Variants in LRRTM4 observed in about 807,000 individuals in gnomAD.
LRRTM4 encodes leucine-rich repeat transmembrane neuronal protein 4.
LRRTM4 carries 25 observed loss-of-function variants against 47.6 expected under a neutral mutation model. The observed-to-expected ratio is 0.53, with a 90% CI of 0.38 to 0.73. LRRTM4 has a LOEUF of 0.73. Among genes scored for constraint, LRRTM4 ranks in the 30% least tolerant of loss-of-function variants. The pLI is 0.00. For synonymous variants in LRRTM4, 311 were observed against 269.5 expected (o/e 1.15, Z -1.51); for missense variants, 638 against 713.4 (o/e 0.89, Z 1.20).
At chr2:77,330,776 A>G (rs1670945715) in intron 3 of LRRTM4, among the ~76,000 whole-genome samples, 1 of 152,162 alleles carries the variant, frequency 6.6e-6, no homozygotes. Context: ...TAAACATTCT[A>G]TCAGTAAAAC....
Position 76,948,904 on chromosome 2 carries a change from G to C in LRRTM4, c.1552-199988C>G, listed in dbSNP as rs1675410307. ...TATGAGAAGGAATATACATTTGGTG[G>C]ATTTCATTTAAATATTTTACTGATT... On this transcript the variant is annotated intron_variant, in intron 3 of 3. Transcript: ENST00000409884. Among the ~76,000 whole-genome samples the C allele has an allele frequency of 7.2e-5, 11 of 151,802 alleles. No individual in the cohort carries two copies. In the South Asian group the frequency reaches 2.3e-3, roughly 31 times the overall value.
chr2:77,480,816 GTGT>G (rs1408264194), intron 3 of LRRTM4, among the ~76,000 whole-genome samples: 463 of 124,282 alleles, frequency 3.7e-3, no homozygotes, highest in East Asian at 0.024. Flanking sequence ...GTGTGTGTGT[GTGT>G]GTGGAGAGAG....
chr2:77,426,047 C>T (rs1230633576), intron 3 of LRRTM4, among the ~76,000 whole-genome samples: 2 of 151,436 alleles, frequency 1.3e-5, no homozygotes, highest in African/African-American at 2.4e-5. Flanking sequence ...ACCTGGAAGG[C>T]CAAGTTGCAG....
chr2:77,187,316 C>G (rs928904652), intron 3 of LRRTM4, among the ~76,000 whole-genome samples: 4 of 152,096 alleles, frequency 2.6e-5, no homozygotes, highest in African/African-American at 9.7e-5. Context: ...TTATTCTGTG[C>G]CCTCACTGTA....
At chr2:76,996,197 G>A (rs1380813347) in intron 3 of LRRTM4, among the ~76,000 whole-genome samples, 1 of 151,954 alleles carries the variant, frequency 6.6e-6, no homozygotes, top group Non-Finnish European at 1.5e-5. Context: ...TTTTAGAGGG[G>A]CCATAGAACA....
intron 3 of LRRTM4, among the ~76,000 whole-genome samples, chr2:76,973,295 T>C (rs1676285923): frequency 1.3e-5 from 2 of 152,036 alleles, no homozygotes; most frequent in Admixed American, 1.3e-4. Context: ...TATTTTATTA[T>C]ATTTATAAAA....
chr2:77,134,409 A>T (rs770666586), intron 3 of LRRTM4, among the ~76,000 whole-genome samples: 1 of 152,140 alleles, frequency 6.6e-6, no homozygotes, highest in East Asian at 1.9e-4. Context: ...ACTTTTTTCC[A>T]TTATGAAAAT....
At chr2:77,183,589 C>T (rs927693374) in intron 3 of LRRTM4, among the ~76,000 whole-genome samples, 1 of 152,020 alleles carries the variant, frequency 6.6e-6, no homozygotes, top group South Asian at 2.1e-4. Flanking sequence ...GGGTATATAC[C>T]CAAAGGATTA....
chr2:77,294,633 A>T (rs943578612), intron 3 of LRRTM4, among the ~76,000 whole-genome samples: 5 of 152,140 alleles, frequency 3.3e-5, no homozygotes, highest in African/African-American at 7.2e-5. Context: ...TTCTTGCCCT[A>T]CTTGTAATAA....
intron 3 of LRRTM4, among the ~76,000 whole-genome samples, chr2:77,316,875 TTAAG>T (rs1169333931): frequency 1.8e-4 from 28 of 152,330 alleles, no homozygotes; most frequent in African/African-American, 6.7e-4. Flanking sequence ...AATTTGCCAA[TTAAG>T]TATCAGAAAT....
chr2:76,836,157 G>A (rs1197210103), intron 3 of LRRTM4, among the ~76,000 whole-genome samples: 5 of 25,490 alleles, frequency 2.0e-4, no homozygotes, highest in African/African-American at 5.7e-4. Flanking sequence ...TATAGTATGC[G>A]GTAAAAAAAA....
chr2:77,073,177 GTT>G (rs146281985), intron 3 of LRRTM4, among the ~76,000 whole-genome samples: 1 of 147,366 alleles, frequency 6.8e-6, no homozygotes, highest in African/African-American at 2.5e-5. Flanking sequence ...GTTCTTCAGT[GTT>G]TTTTTTTTCC....
chr2:77,479,777 A>C, intron 3 of LRRTM4, among the ~76,000 whole-genome samples: 3 of 142,736 alleles, frequency 2.1e-5, no homozygotes, highest in African/African-American at 5.3e-5. Context: ...TCTTCTCTCC[A>C]TCTCTCTCTT....
intron 3 of LRRTM4, among the ~76,000 whole-genome samples, chr2:77,200,332 T>C (rs551083446): frequency 5.9e-5 from 9 of 152,232 alleles, no homozygotes; most frequent in African/African-American, 1.7e-4. Flanking sequence ...AAATCAAAAG[T>C]TTAATTTTTC....
rs1181255993 is a variant in LRRTM4 at position 77,519,644 on chromosome 2, C to T, written c.225G>A (p.Lys75=). The T allele has an allele frequency of 6.2e-7, 1 of 1,613,320 alleles. No homozygotes were observed. The highest frequency in any genetic ancestry group is 1.1e-5 in the South Asian group (1 of 91,084). Residue 75 remains lysine, a synonymous_variant, in exon 3 of 4, where the codon AAG becomes AAA. Transcript: ENST00000409884. This position sits in a 1 kb window ranked among gnomAD's most constrained non-coding sequence, Gnocchi z 4.6. ...GGCCGGCAAACTGATTGGATTTGAGCTTCTGAATGCTGTTGAACCTTAATG... is the reference window on the plus strand; with the variant it reads ...GGCCGGCAAACTGATTGGATTTGAGTTTCTGAATGCTGTTGAACCTTAATG... The part of the protein sequence containing the change: ...GLSLRFNSIQ[K]LKSNQFAGLN...
At chr2:76,910,710 G>A (rs1674023546) in intron 3 of LRRTM4, among the ~76,000 whole-genome samples, 1 of 152,150 alleles carries the variant, frequency 6.6e-6, no homozygotes, top group South Asian at 2.1e-4. Context: ...ATGCTAGATG[G>A]TCACTCATTC....
chr2:77,360,170 C>A (rs1302078443), intron 3 of LRRTM4, among the ~76,000 whole-genome samples: 1 of 152,052 alleles, frequency 6.6e-6, no homozygotes, highest in Non-Finnish European at 1.5e-5. Flanking sequence ...ATAAATAGTG[C>A]TTGTAGGCCG....
chr2:77,508,598 CT>C (rs1193236492), intron 3 of LRRTM4, among the ~76,000 whole-genome samples: 4 of 151,944 alleles, frequency 2.6e-5, no homozygotes, highest in African/African-American at 9.7e-5. Context: ...CAGTAGTGCC[CT>C]CTCTCATTTC....
chr2:77,407,328 T>G (rs1350952653), intron 3 of LRRTM4, among the ~76,000 whole-genome samples: 1 of 151,892 alleles, frequency 6.6e-6, no homozygotes, highest in Non-Finnish European at 1.5e-5. Flanking sequence ...CCCTGAAATA[T>G]TTTTATATGT....
Sources: gnomAD v4.1 joint callset for allele counts (sites outside exome capture counted in the v4.1 genomes callset) on GRCh38, gnomAD v4.1.1 for gene constraint, Gnocchi (gnomAD v3.1) non-coding constraint, MANE v1.5 for transcripts, NCBI Gene and HGNC (gene_info 2026-07-23, HGNC 2026-07-21) for gene names.